The following DLGAP1 variants were observed in gnomAD, a reference collection of about 807,000 sequenced individuals.
DLGAP1 encodes the protein DLG associated protein 1.
DLGAP1 carries 11 observed loss-of-function variants against 90.8 expected under a neutral mutation model. The observed-to-expected ratio is 0.12, with a 90% confidence interval of 0.08 to 0.20. The LOEUF (loss-of-function observed/expected upper bound fraction) is 0.20, where lower values mean the gene tolerates loss of function less well. DLGAP1 is among the 10% of genes least tolerant of loss of function. The pLI is 1.00. For synonymous variants in DLGAP1, 558 were observed against 540.7 expected (o/e 1.03, Z -0.44); for missense variants, 1,050 against 1,333.8 (o/e 0.79, Z 3.31).
intron 2 of DLGAP1, among the ~76,000 whole-genome samples, chr18:4,012,400 C>T (rs1342881921): frequency 6.6e-6 from 1 of 152,164 alleles, no homozygotes; most frequent in East Asian, 1.9e-4. Context: ...AAGATTCCCC[C>T]AGCCACTGCA....
chr18:3,903,203 T>C (rs1400978258), intron 3 of DLGAP1, among the ~76,000 whole-genome samples: 9 of 151,944 alleles, frequency 5.9e-5, no homozygotes, highest in Admixed American at 5.2e-4. Flanking sequence ...GGGAAGGAAA[T>C]ATGGAAAAAT....
chr18:4,199,480 G>A (rs764854347), intron 1 of DLGAP1, among the ~76,000 whole-genome samples: 1 of 152,138 alleles, frequency 6.6e-6, no homozygotes, highest in African/African-American at 2.4e-5. Context: ...TGTCAGATTT[G>A]GTGAATTAAG....
At chr18:3,736,226 C>T (rs2062631294) in intron 6 of DLGAP1, among the ~76,000 whole-genome samples, 1 of 152,162 alleles carries the variant, frequency 6.6e-6, no homozygotes, top group South Asian at 2.1e-4. Context: ...GACTACATGA[C>T]ATATTTTTAA....
In DLGAP1 at chr18:4,053,386, A is replaced by G. The variant is rs1010858956; in HGVS notation, c.-158-48185T>C. Among the ~76,000 whole-genome samples the G allele has an allele frequency of 4.6e-5, 7 of 152,194 alleles. 1 individual carries two copies. The highest frequency in any genetic ancestry group is 1.7e-4 in the African/African-American group (7 of 41,448). ...CAGGTCTTGTGAGAACTCACTCACT[A>G]TCACAAGAACAGATTGGAAGGTAAC... On this transcript the variant is annotated intron_variant, in intron 2 of 12. Transcript: ENST00000315677.
intron 2 of DLGAP1, among the ~76,000 whole-genome samples, chr18:4,046,995 TC>T (rs1169418358): frequency 2.6e-5 from 4 of 152,226 alleles, no homozygotes; most frequent in Admixed American, 6.5e-5. Context: ...TGCCTCCACA[TC>T]CTGGAACTAG....
intron 7 of DLGAP1, among the ~76,000 whole-genome samples, chr18:3,634,897 A>G (rs2058642953): frequency 6.6e-6 from 1 of 152,352 alleles, no homozygotes; most frequent in Non-Finnish European, 1.5e-5. Context: ...TTTTTTAAGC[A>G]GAGTAAATTT....
chr18:3,818,609 T>C (rs1210464498), intron 4 of DLGAP1, among the ~76,000 whole-genome samples: 1 of 143,444 alleles, frequency 7.0e-6, no homozygotes, highest in Non-Finnish European at 1.5e-5. Flanking sequence ...TTTCAATACC[T>C]TTTTTTTTTT....
intron 1 of DLGAP1, among the ~76,000 whole-genome samples, chr18:4,335,707 A>G (rs1321519778): frequency 6.6e-6 from 1 of 152,238 alleles, no homozygotes; most frequent in Non-Finnish European, 1.5e-5. Flanking sequence ...AAAAAGAAAA[A>G]TAAAATTACA....
At chr18:3,903,915 CAA>C (rs1195550098) in intron 3 of DLGAP1, among the ~76,000 whole-genome samples, 1 of 152,170 alleles carries the variant, frequency 6.6e-6, no homozygotes, top group African/African-American at 2.4e-5. Flanking sequence ...CTGCAAAAAA[CAA>C]AGAGACACTA....
chr18:4,453,018 T>C (rs2083872806), intron 1 of DLGAP1, among the ~76,000 whole-genome samples: 3 of 152,334 alleles, frequency 2.0e-5, no homozygotes, highest in African/African-American at 7.2e-5. Context: ...AAAAAATCTA[T>C]GTATGCAAGT....
intron 3 of DLGAP1, among the ~76,000 whole-genome samples, chr18:4,002,440 C>T (rs189994704): frequency 1.2e-4 from 18 of 152,300 alleles, no homozygotes; most frequent in Admixed American, 1.2e-3. Context: ...ATCTCTTCTC[C>T]CTCATCAGCC....
intron 7 of DLGAP1, among the ~76,000 whole-genome samples, chr18:3,619,519 G>A (rs1232740326): frequency 6.6e-6 from 1 of 152,130 alleles, no homozygotes; most frequent in Non-Finnish European, 1.5e-5. Context: ...GTAGGTGTTT[G>A]GTGCATGGTC....
At chr18:3,827,375 T>C (rs1406996439) in intron 4 of DLGAP1, among the ~76,000 whole-genome samples, 1 of 152,208 alleles carries the variant, frequency 6.6e-6, no homozygotes, top group Non-Finnish European at 1.5e-5. Flanking sequence ...TTGTCGGTCC[T>C]GGAAGCTGAG....
chr18:3,736,253 T>C (rs571053120), intron 6 of DLGAP1, among the ~76,000 whole-genome samples: 1 of 152,230 alleles, frequency 6.6e-6, no homozygotes, highest in South Asian at 2.1e-4. Flanking sequence ...GGACTTTCTA[T>C]AAATACAATT....
At position 3,874,311 on chromosome 18, in the gene DLGAP1, C is replaced by T. The variant is rs542170354; in HGVS notation, c.957+4801G>A. The T allele has an allele frequency of 2.6e-6, 4 of 1,540,144 alleles. No individual in the cohort carries two copies. In the South Asian group the frequency reaches 4.8e-5, roughly 19 times the overall value. The stretch of plus-strand genomic sequence containing the variant: ...TCTCTCTCGCTCCCTCTGTCTCTCT[C>T]TCTCCACTTCTACCGCGGAGAGAGC... On this transcript the variant is annotated intron_variant, in intron 4 of 12. Coordinates refer to ENST00000315677, the MANE Select transcript of DLGAP1 (RefSeq NM_004746.4).
intron 1 of DLGAP1, among the ~76,000 whole-genome samples, chr18:4,324,171 T>A (rs1210424385): frequency 6.6e-6 from 1 of 151,292 alleles, no homozygotes; most frequent in African/African-American, 2.4e-5. Flanking sequence ...CAATTAGAAA[T>A]GACAAAAAAG....
At chr18:3,887,971 G>A (rs951956388) in intron 3 of DLGAP1, among the ~76,000 whole-genome samples, 73 of 151,830 alleles carry the variant, frequency 4.8e-4, no homozygotes, top group African/African-American at 1.8e-3. Flanking sequence ...AGCCAGGCGT[G>A]GTGGCGGGCG....
At chr18:3,761,848 A>G (rs2063981255) in intron 5 of DLGAP1, among the ~76,000 whole-genome samples, 1 of 152,212 alleles carries the variant, frequency 6.6e-6, no homozygotes, top group Non-Finnish European at 1.5e-5. Flanking sequence ...TGCTAGGATT[A>G]CAGGCGTGAG....
chr18:3,710,554 T>C (rs1297929740), intron 7 of DLGAP1, among the ~76,000 whole-genome samples: 1 of 152,260 alleles, frequency 6.6e-6, no homozygotes, highest in Admixed American at 6.5e-5. Context: ...AGCCCTCTTT[T>C]ACTTATTTAT....
Sources: allele counts gnomAD v4.1 joint callset (sites outside exome capture counted in the v4.1 genomes callset), GRCh38; gene constraint gnomAD v4.1.1; transcripts MANE v1.5; gene names NCBI Gene and HGNC (gene_info 2026-07-23, HGNC 2026-07-21).